Variants in CERK observed in about 807,000 individuals in gnomAD.
The protein encoded by CERK is ceramide kinase, also known as acylsphingosine kinase.
CERK carries 39 observed loss-of-function variants against 63.4 expected under a neutral mutation model. That is an observed-to-expected ratio of 0.61 (90% CI 0.48 to 0.80). CERK has a LOEUF of 0.80. Among genes scored for constraint, CERK ranks in the 30% least tolerant of loss-of-function variants. CERK has a pLI of 0.00. For synonymous variants in CERK, 302 were observed against 280.0 expected (o/e 1.08, Z -0.78); for missense variants, 670 against 714.1 (o/e 0.94, Z 0.70).
At chr22:46,688,054 A>G (rs940980586) in intron 12 of CERK, among the ~76,000 whole-genome samples, 1 of 151,998 alleles carries the variant, frequency 6.6e-6, no homozygotes, top group Non-Finnish European at 1.5e-5. Context: ...AAAATTAGCC[A>G]GGTGTGGTGG....
rs748502464 is a variant in CERK, at chr22:46,720,110, G to A, written c.355C>T (p.Leu119=). The change falls in exon 3 of 13, where the codon CTG becomes TTG. Residue 119 remains leucine, a synonymous_variant. Coordinates refer to ENST00000216264, the MANE Select transcript of CERK (RefSeq NM_022766.6). ...EQLCHLWLQT[L]REMLEKLTSR... ...CTCAGCTTCTCCAGCATCTCCCGCA[G>A]GGTCTGCAGCCACAAGTGACACAGC... 6 of 1,613,988 alleles carry A rather than the reference G, an allele frequency of 3.7e-6. No homozygotes were observed. The highest frequency in any genetic ancestry group is 5.1e-6 in the Non-Finnish European group (6 of 1,180,004).
intron 1 of CERK, among the ~76,000 whole-genome samples, chr22:46,736,333 C>A (rs988494235): frequency 1.3e-5 from 2 of 152,248 alleles, no homozygotes; most frequent in Non-Finnish European, 2.9e-5. Flanking sequence ...AAGGGTCTGG[C>A]GTCTCTGCGG....
chr22:46,713,902 C>A (rs983727192), intron 3 of CERK, among the ~76,000 whole-genome samples: 2 of 151,972 alleles, frequency 1.3e-5, no homozygotes, highest in African/African-American at 4.8e-5. Flanking sequence ...GAGGCCAAGG[C>A]AGGAGGATCA....
chr22:46,689,494 C>T (rs1038570745), intron 12 of CERK, among the ~76,000 whole-genome samples: 8 of 152,216 alleles, frequency 5.3e-5, no homozygotes, highest in African/African-American at 9.6e-5. Context: ...CCTCAGCCTC[C>T]GGGGTAGCTG....
At position 46,688,651 on chromosome 22, in the gene CERK, G is replaced by A. The variant is rs776766769; in HGVS notation, c.1541+1341C>T. Among the ~76,000 whole-genome samples, 27 of 152,366 alleles carry A rather than the reference G, an allele frequency of 1.8e-4. 1 individual carries two copies. Among genetic ancestry groups the A allele is most frequent in the Admixed American group, 8.5e-4 (13 of 15,306 alleles). On this transcript the variant is annotated intron_variant, in intron 12 of 12. Transcript: ENST00000216264. ...GCTGAGGAGTCACTGAAAGTGGGGC[G>A]CTGTCCACAGAGATGCGTGCATCCT...
At chr22:46,688,145 G>T (rs900182109) in intron 12 of CERK, among the ~76,000 whole-genome samples, 2 of 152,058 alleles carry the variant, frequency 1.3e-5, no homozygotes, top group Non-Finnish European at 2.9e-5. Flanking sequence ...CCGAGACCTC[G>T]CCATTGCACT....
rs781491903 is a variant in CERK at position 46,707,951 on chromosome 22, C to A, written c.607G>T (p.Val203Leu). The A allele has an allele frequency of 2.5e-6, 4 of 1,613,100 alleles. No individual in the cohort carries two copies. The highest frequency in any genetic ancestry group is 3.4e-6 in the Non-Finnish European group (4 of 1,179,462). The change falls in exon 6 of 13, where the codon GTG (valine) becomes TTG (leucine). Residue 203 changes from valine to leucine, a missense_variant. By Grantham distance (32) the Val-to-Leu change is conservative (BLOSUM62 1). Coordinates refer to ENST00000216264, the MANE Select transcript of CERK (RefSeq NM_022766.6). ...GTCCTCCCAATCAGACCGTGCAGCACCTCGCTGAACATACCATCTCCGCCG... is the reference window on the plus strand; with the variant it reads ...GTCCTCCCAATCAGACCGTGCAGCAACTCGCTGAACATACCATCTCCGCCG... ...CVGGDGMFSE[V>L]LHGLIGRTQR...
intron 8 of CERK, among the ~76,000 whole-genome samples, 158 bp downstream of exon 8, chr22:46,699,155 G>A (rs147112411): frequency 8.5e-4 from 130 of 152,262 alleles, no homozygotes; most frequent in African/African-American, 2.8e-3. Flanking sequence ...ACCCTGCCAC[G>A]TTCTGGCCCC....
intron 3 of CERK, among the ~76,000 whole-genome samples, chr22:46,718,716 A>T (rs932289580): frequency 2.0e-5 from 3 of 152,340 alleles, no homozygotes; most frequent in South Asian, 2.1e-4. Flanking sequence ...ATTCAAAAAT[A>T]TATAAAACTA....
In CERK at chr22:46,713,538, CA is replaced by C. The variant is rs1012999572; in HGVS notation, c.380-1246del. Reference sequence around the variant, plus strand: ...AAAAAAAAAAAAAAAAACAAACAAACAAAAAAACACAGACACAAATGTTCAT... The same window carrying C: ...AAAAAAAAAAAAAAAAACAAACAAACAAAAAACACAGACACAAATGTTCAT... On this transcript the variant is annotated intron_variant, in intron 3 of 12. Transcript: ENST00000216264. 9.7e-3 allele frequency among the ~76,000 whole-genome samples: 1,296 copies of C among 133,752 alleles called. 18 individuals carry two copies. Among genetic ancestry groups the C allele is most frequent in the African/African-American group, 0.033 (1,224 of 36,540 alleles). The allele number at this position is 133,752 out of a possible 152,430, so 87.7% of individuals were successfully genotyped here.
chr22:46,724,061 C>T (rs183508163), intron 1 of CERK, among the ~76,000 whole-genome samples: 1 of 151,820 alleles, frequency 6.6e-6, no homozygotes, highest in Admixed American at 6.6e-5. Context: ...CCACCTCCTC[C>T]GTCTTCTCCA....
At chr22:46,691,056 T>TACATACACACACACACAC (rs1555982639) in intron 11 of CERK, among the ~76,000 whole-genome samples, 8 of 147,304 alleles carry the variant, frequency 5.4e-5, no homozygotes, top group African/African-American at 1.8e-4. Flanking sequence ...TATACATACA[T>TACATACACACACACACAC]ACACACACAC....
rs116642586 is a variant in CERK at position 46,696,501 on chromosome 22, T to G, written c.944-1186A>C. The stretch of plus-strand genomic sequence containing the variant: ...GCTGCCTCATCACCCAGACGCAGCC[T>G]CCAGGGTGGCGCCTCACCGACATCT... On this transcript the variant is annotated intron_variant, in intron 8 of 12. Coordinates refer to ENST00000216264, the MANE Select transcript of CERK (RefSeq NM_022766.6). Among the ~76,000 whole-genome samples, 109 of 152,182 alleles carry G rather than the reference T, an allele frequency of 7.2e-4. 1 individual carries two copies. The highest frequency in any genetic ancestry group is 2.6e-3 in the African/African-American group (106 of 41,510).
intron 12 of CERK, among the ~76,000 whole-genome samples, chr22:46,687,511 C>T (rs1328176701): frequency 5.3e-5 from 8 of 152,208 alleles, no homozygotes; most frequent in African/African-American, 1.9e-4. Context: ...ATCTGGGCAT[C>T]GGTAGACCTG....
At chr22:46,731,051 C>A (rs2082942883) in intron 1 of CERK, among the ~76,000 whole-genome samples, 1 of 152,268 alleles carries the variant, frequency 6.6e-6, no homozygotes, top group South Asian at 2.1e-4. Context: ...TGTGAGCAGG[C>A]ACCCCACAAC....
intron 1 of CERK, among the ~76,000 whole-genome samples, chr22:46,727,699 G>C (rs115880146): frequency 6.6e-6 from 1 of 152,132 alleles, no homozygotes; most frequent in Non-Finnish European, 1.5e-5. Flanking sequence ...GCCTAAGGGT[G>C]CTGTGGTCCG....
At position 46,689,987 on chromosome 22, in the gene CERK, C is replaced by T. The variant is rs900213205; in HGVS notation, c.1541+5G>A. 19 of 1,596,516 alleles carry T rather than the reference C, an allele frequency of 1.2e-5. No individual in the cohort carries two copies. Among genetic ancestry groups the T allele is most frequent in the South Asian group, 3.3e-5 (3 of 90,110 alleles). ...CGCTGGTGGCTGGAGGACCCCTGCA[C>T]GCACCTGACCTCGATGGCAGGGCTG... is the stretch of plus-strand genomic sequence containing the variant. On this transcript the variant is annotated splice_donor_5th_base_variant and intron_variant, in intron 12 of 12. Coordinates refer to ENST00000216264, the MANE Select transcript of CERK (RefSeq NM_022766.6).
At chr22:46,701,768 T>A in intron 6 of CERK, 58 bp from the exon 7 acceptor site, 1 of 1,332,036 alleles carries the variant, frequency 7.5e-7, no homozygotes, top group Non-Finnish European at 1.1e-6. Context: ...TGTAATCGCC[T>A]CCCAATTCAG....
At chr22:46,693,336 G>A (rs1601709620) in intron 10 of CERK, 91 bp downstream of exon 10, 2 of 1,014,348 alleles carry the variant, frequency 2.0e-6, no homozygotes, top group Non-Finnish European at 3.1e-6. Flanking sequence ...GCACAGGTGG[G>A]CAGGGAGAAG....
Sources: gnomAD v4.1 joint callset for allele counts (sites outside exome capture counted in the v4.1 genomes callset) on GRCh38, gnomAD v4.1.1 for gene constraint, MANE v1.5 for transcripts, NCBI Gene and HGNC (gene_info 2026-07-23, HGNC 2026-07-21) for gene names.